CSMD3: variants seen among roughly 807,000 people sequenced by gnomAD.
The protein encoded by CSMD3 is CUB and Sushi multiple domains 3.
CSMD3 carries 177 observed loss-of-function variants against 435.2 expected under a neutral mutation model. The observed-to-expected ratio is 0.41, with a 90% CI of 0.36 to 0.46. The LOEUF (loss-of-function observed/expected upper bound fraction) is 0.46, where lower values mean the gene tolerates loss of function less well. CSMD3 is among the 20% of genes least tolerant of loss of function. The pLI, the probability that CSMD3 is intolerant of heterozygous loss-of-function variation, is 0.34. For missense variants in CSMD3, 4,265 were observed against 4,504.6 expected, an observed-to-expected ratio of 0.95 and a Z score of 1.52; for synonymous variants, 1,656 against 1,520.5, an observed-to-expected ratio of 1.09 and a Z score of -2.07.
chr8:113,000,527 T>A (rs952314113), intron 6 of CSMD3, among the ~76,000 whole-genome samples: 2 of 152,160 alleles, frequency 1.3e-5, no homozygotes, highest in Non-Finnish European at 2.9e-5. Flanking sequence ...TTAGCCCGAT[T>A]TAGTCATTCC....
At chr8:112,695,899 C>A (rs902352339) in intron 13 of CSMD3, among the ~76,000 whole-genome samples, 2 of 152,104 alleles carry the variant, frequency 1.3e-5, no homozygotes, top group African/African-American at 2.4e-5. Context: ...GGACACAAAA[C>A]CAATGTGCAA....
intron 22 of CSMD3, among the ~76,000 whole-genome samples, chr8:112,608,436 A>G (rs1832966414): frequency 6.6e-6 from 1 of 152,128 alleles, no homozygotes; most frequent in African/African-American, 2.4e-5. Flanking sequence ...CAGAAATGGA[A>G]AATCAAACCA....
intron 37 of CSMD3, among the ~76,000 whole-genome samples, chr8:112,381,123 G>C (rs1829428779): frequency 6.6e-6 from 1 of 152,094 alleles, no homozygotes; most frequent in Non-Finnish European, 1.5e-5. Flanking sequence ...TATAGTCATT[G>C]ATTTCCTTTT....
At chr8:112,678,719 T>TATAA (rs1554648536) in intron 16 of CSMD3, among the ~76,000 whole-genome samples, 11 of 152,008 alleles carry the variant, frequency 7.2e-5, no homozygotes, top group African/African-American at 2.7e-4. Flanking sequence ...TATATATATA[T>TATAA]AACTTTTAAC....
chr8:112,865,449 GAAGGAC>G (rs1179978252), intron 10 of CSMD3, among the ~76,000 whole-genome samples: 1 of 151,940 alleles, frequency 6.6e-6, no homozygotes, highest in Non-Finnish European at 1.5e-5. Context: ...AAAATAAATT[GAAGGAC>G]TTTTGTAATC....
intron 67 of CSMD3, 43 bp from the exon 68 acceptor site, chr8:112,234,520 T>A: frequency 1.0e-6 from 1 of 983,768 alleles, no homozygotes; most frequent in Non-Finnish European, 1.6e-6. Context: ...ACTTTGTAAA[T>A]AGTTATACTT....
Position 113,258,677 on chromosome 8 carries a change from A to T in CSMD3, c.514+19915T>A, listed in dbSNP as rs986255817. ...GAGATGGAAGAGTAAATATTTAAATAAGCATATGTCTCAAAGGCTTAACGG... is the reference window on the plus strand; with the variant it reads ...GAGATGGAAGAGTAAATATTTAAATTAGCATATGTCTCAAAGGCTTAACGG... On this transcript the variant is annotated intron_variant, in intron 3 of 70. Coordinates refer to ENST00000297405, the MANE Select transcript of CSMD3 (RefSeq NM_198123.2). Among the ~76,000 whole-genome samples the T allele has an allele frequency of 9.2e-5, 14 of 152,288 alleles. 1 individual carries two copies. Among genetic ancestry groups the T allele is most frequent in the Admixed American group, 7.9e-4 (12 of 15,284 alleles).
Position 112,869,554 on chromosome 8 carries a change from A to T in CSMD3, c.1634-10288T>A, listed in dbSNP as rs1263209940. Among the ~76,000 whole-genome samples the T allele has an allele frequency of 4.6e-5, 7 of 152,346 alleles. No individual in the cohort carries two copies. In the East Asian group the frequency reaches 1.3e-3, roughly 29 times the overall value. On this transcript the variant is annotated intron_variant, in intron 10 of 70. Transcript: ENST00000297405. ...TGGGTATATACCCAAAGGATTATAA[A>T]TCATCCTACTATAAAGACACTTGCA... is the stretch of plus-strand genomic sequence containing the variant.
chr8:113,376,824 T>C (rs987611829), intron 1 of CSMD3: 1 of 1,613,648 alleles, frequency 6.2e-7, no homozygotes, highest in Non-Finnish European at 8.5e-7. Context: ...AGAGGTTGTT[T>C]ATGAGTCGCA....
intron 3 of CSMD3, among the ~76,000 whole-genome samples, chr8:113,179,777 G>T (rs891038274): frequency 1.3e-5 from 2 of 151,462 alleles, no homozygotes; most frequent in Non-Finnish European, 3.0e-5. Flanking sequence ...TTTTGTTATG[G>T]TTTCCTTGGA....
Position 113,030,896 on chromosome 8 carries a change from A to G in CSMD3, c.918-11717T>C, listed in dbSNP as rs1587927197. Among the ~76,000 whole-genome samples the G allele has an allele frequency of 2.0e-5, 3 of 151,674 alleles. No homozygotes were observed. The South Asian group carries it at 6.3e-4, about 32-fold the overall frequency. On this transcript the variant is annotated intron_variant, in intron 5 of 70. Transcript: ENST00000297405. ...CACAGAAGAGGATTTACAGATGGCAAATAGTTACATGAGTAGATATTTGGC... is the reference window on the plus strand; with the variant it reads ...CACAGAAGAGGATTTACAGATGGCAGATAGTTACATGAGTAGATATTTGGC...
chr8:113,242,743 T>C (rs1218082860), intron 3 of CSMD3, among the ~76,000 whole-genome samples: 3 of 152,042 alleles, frequency 2.0e-5, no homozygotes, highest in Admixed American at 6.6e-5. Context: ...GTTTTCTTTA[T>C]TCCAAGGTGT....
At chr8:113,325,804 A>G (rs921411601) in intron 1 of CSMD3, among the ~76,000 whole-genome samples, 1 of 152,196 alleles carries the variant, frequency 6.6e-6, no homozygotes, top group Admixed American at 6.5e-5. Flanking sequence ...TGAATGTGTC[A>G]TAATTCCAAT....
intron 24 of CSMD3, among the ~76,000 whole-genome samples, chr8:112,567,686 G>A (rs1361649086): frequency 6.6e-6 from 1 of 152,084 alleles, no homozygotes; most frequent in African/African-American, 2.4e-5. Flanking sequence ...TGTGTTGAGA[G>A]GTTGAAGGGA....
chr8:112,668,924 A>C (rs1374896028), intron 16 of CSMD3, among the ~76,000 whole-genome samples: 1 of 152,010 alleles, frequency 6.6e-6, no homozygotes, highest in Non-Finnish European at 1.5e-5. Flanking sequence ...GGAGAGGCTA[A>C]ATGTAGAAAA....
chr8:112,517,707 A>G (rs1263716653), intron 27 of CSMD3, among the ~76,000 whole-genome samples: 1 of 152,214 alleles, frequency 6.6e-6, no homozygotes, highest in African/African-American at 2.4e-5. Context: ...AACCACAATG[A>G]GATACTACTA....
chr8:113,054,795 T>C (rs1211065331), intron 5 of CSMD3, among the ~76,000 whole-genome samples: 1 of 152,162 alleles, frequency 6.6e-6, no homozygotes, highest in African/African-American at 2.4e-5. Flanking sequence ...CTTTAATCCA[T>C]TCCTCATGGG....
intron 6 of CSMD3, among the ~76,000 whole-genome samples, chr8:113,005,090 T>C (rs2086007609): frequency 6.6e-6 from 1 of 151,656 alleles, no homozygotes; most frequent in Admixed American, 6.6e-5. Flanking sequence ...GTGTGTCAAG[T>C]GATATGTAGA....
intron 31 of CSMD3, among the ~76,000 whole-genome samples, chr8:112,482,112 C>T (rs992092899): frequency 6.6e-6 from 1 of 152,152 alleles, no homozygotes; most frequent in Non-Finnish European, 1.5e-5. Flanking sequence ...TGTCATCTCA[C>T]TGATTGCCTG....
Sources: gnomAD v4.1 joint callset for allele counts (sites outside exome capture counted in the v4.1 genomes callset) on GRCh38, gnomAD v4.1.1 for gene constraint, MANE v1.5 for transcripts, NCBI Gene and HGNC (gene_info 2026-07-23, HGNC 2026-07-21) for gene names.